MXRA5: variants seen among roughly 807,000 people sequenced by gnomAD.
MXRA5 encodes the protein matrix remodeling associated 5.
A neutral mutation model predicts 112.5 loss-of-function variants in MXRA5; 41 were observed. The observed-to-expected ratio is 0.36, with a 90% CI of 0.28 to 0.47. The LOEUF is 0.47. Ranked by LOEUF, MXRA5 falls within the 20% of genes least tolerant of loss-of-function variation. MXRA5 has a pLI of 0.99. For synonymous variants in MXRA5, 862 were observed against 900.8 expected (o/e 0.96, Z 0.77); for missense variants, 2,150 against 2,251.0 (o/e 0.96, Z 0.91).
Position 3,317,862 on chromosome X carries a change from A to T in MXRA5, c.5819T>A (p.Val1940Glu). ...CTGCACGGTGACCGAAAGCAAGACC[A>T]CCATCCTGTCCAGGCCGTGCAGGTT... ...ASNLHGLDRM[V>E]VLLSVTVQQP... The change falls in exon 6 of 7, where the codon GTG becomes GAG. Residue 1940 changes from valine to glutamate, a missense_variant. By Grantham distance (121) the Val-to-Glu change is moderately radical. Transcript: ENST00000217939. The T allele has an allele frequency of 8.3e-7, 1 of 1,211,623 alleles. No individual in the cohort carries two copies. The highest frequency in any genetic ancestry group is 1.8e-5 in the South Asian group (1 of 56,971).
intron 5 of MXRA5, 37 bp downstream of exon 5, chrX:3,319,971 A>T (rs1193707186): frequency 3.1e-6 from 3 of 977,377 alleles, no homozygotes; most frequent in African/African-American, 4.1e-5. Flanking sequence ...ATAAAAATTG[A>T]CCAAAAAAAA....
intron 2 of MXRA5, among the ~76,000 whole-genome samples, chrX:3,343,074 C>A (rs1922025525): frequency 8.9e-6 from 1 of 112,208 alleles, no homozygotes; most frequent in Non-Finnish European, 1.9e-5. Flanking sequence ...TCCACACAAC[C>A]CTCGTGTGTA....
rs752606061 is a variant in MXRA5 at position 3,317,459 on chromosome X, C to A, written c.6222G>T (p.Ala2074=). 1.3e-5 allele frequency: 15 copies of A among 1,193,813 alleles called. No homozygotes were observed. The Middle Eastern group carries it at 9.2e-4, about 73-fold the overall frequency. ...SIHIHCTAKA[A]PLPSVRWVLG... ...GCACCCAGCGCACGCTGGGCAGGGGCGCAGCCTTGGCAGTGCAGTGAATGT... is the reference window on the plus strand; with the variant it reads ...GCACCCAGCGCACGCTGGGCAGGGGAGCAGCCTTGGCAGTGCAGTGAATGT... Residue 2074 remains alanine (A), a synonymous_variant, in exon 6 of 7, where the codon GCG becomes GCT. Transcript: ENST00000217939.
intron 2 of MXRA5, among the ~76,000 whole-genome samples, chrX:3,341,797 TG>T (rs1326302493): frequency 2.0e-5 from 2 of 100,472 alleles, no homozygotes; most frequent in East Asian, 6.1e-4. Context: ...GCCAAGGTGC[TG>T]GGTTTGAGAG....
chrX:3,345,962 C>A (rs1459668709), intron 1 of MXRA5, among the ~76,000 whole-genome samples: 3 of 112,467 alleles, frequency 2.7e-5, no homozygotes, highest in Non-Finnish European at 5.6e-5. Flanking sequence ...TCACTCTAGG[C>A]GTTGGGCTGT....
At chrX:3,327,387 A>G (rs1921538655) in intron 4 of MXRA5, among the ~76,000 whole-genome samples, 1 of 112,210 alleles carries the variant, frequency 8.9e-6, no homozygotes, top group African/African-American at 3.2e-5. Context: ...AGCATTTCAC[A>G]AAATCCCTTG....
rs746677702 is a variant in MXRA5 at position 3,309,858 on chromosome X, C to T, written c.8345G>A (p.Arg2782His). Residue 2782 changes from arginine (R) to histidine (H), a missense_variant, in exon 7 of 7, where the codon CGT becomes CAT. Around this residue, in one of 6 missense-constraint regions of MXRA5, gnomAD observed 178 missense variants for 198.2 expected, o/e 0.90. Coordinates refer to ENST00000217939, the MANE Select transcript of MXRA5 (RefSeq NM_015419.4). ...GTGAAGAAATCTGTTTCCATACAGA[C>T]GAGCCTGAACCCCTGCCTTCAGATG... Reference protein sequence around the residue: ...KSHLKAGVQARLYGNRFLHPQ... With the variant: ...KSHLKAGVQAHLYGNRFLHPQ... 27 of 1,211,574 alleles carry T rather than the reference C, an allele frequency of 2.2e-5. No homozygotes were observed. The highest frequency in any genetic ancestry group is 2.7e-5 in the Non-Finnish European group (24 of 895,531).
At chrX:3,327,134 G>A (rs1480010333) in intron 4 of MXRA5, among the ~76,000 whole-genome samples, 1 of 111,194 alleles carries the variant, frequency 9.0e-6, no homozygotes, top group African/African-American at 3.3e-5. Context: ...CGTTCCCATT[G>A]GGAAGAAGCC....
At chrX:3,316,658 C>T (rs1409765466) in intron 6 of MXRA5, among the ~76,000 whole-genome samples, 1 of 107,277 alleles carries the variant, frequency 9.3e-6, no homozygotes, top group Non-Finnish European at 1.9e-5. Flanking sequence ...AACAGAGTGA[C>T]ACCCTGTCTC....
At chrX:3,345,881 C>T (rs1922096601) in intron 1 of MXRA5, among the ~76,000 whole-genome samples, 1 of 112,701 alleles carries the variant, frequency 8.9e-6, no homozygotes, top group Non-Finnish European at 1.9e-5. Context: ...GAGTCCCCGC[C>T]GCCCGGGACT....
chrX:3,330,443 G>T, intron 3 of MXRA5, 35 bp from the exon 4 acceptor site: 2 of 1,158,722 alleles, frequency 1.7e-6, no homozygotes, highest in Non-Finnish European at 2.3e-6. Context: ...CAAAACAAAA[G>T]GATCCTGTTT....
chrX:3,330,925 G>A, intron 2 of MXRA5, 152 bp from the exon 3 acceptor site: 2 of 386,301 alleles, frequency 5.2e-6, no homozygotes, highest in Admixed American at 9.8e-5. Context: ...ATTTATTAGA[G>A]ACAATCTTAC....
Position 3,329,454 on chromosome X carries a change from A to C in MXRA5, c.709+564T>G, listed in dbSNP as rs5939181. The stretch of plus-strand genomic sequence containing the variant: ...GAAGGAAGGAAGGAGGGAAGGAAGG[A>C]AGATGAAGGAAGGGGAGAGAAGGAA... On this transcript the variant is annotated intron_variant, in intron 4 of 6. Coordinates refer to ENST00000217939, the MANE Select transcript of MXRA5 (RefSeq NM_015419.4). Among the ~76,000 whole-genome samples the C allele has an allele frequency of 3.0e-3, 284 of 93,618 alleles. 4 individuals carry two copies. Among genetic ancestry groups the C allele is most frequent in the African/African-American group, 7.6e-3 (197 of 25,931 alleles). The allele number at this position is 93,618 out of a possible 115,157, so 81.3% of individuals were successfully genotyped here.
Position 3,320,617 on chromosome X carries a change from G to T in MXRA5, c.5068C>A (p.Arg1690=), listed in dbSNP as rs991160394. 3.3e-6 allele frequency: 4 copies of T among 1,211,362 alleles called. No homozygotes were observed. The Admixed American group carries it at 8.7e-5, about 26-fold the overall frequency. Residue 1690 remains arginine (R), a synonymous_variant, in exon 5 of 7, where the codon CGA becomes AGA. Transcript: ENST00000217939. ...KPSIPSKFTD[R]RTDQFNGYSK... ...TAGCCATTGAATTGGTCAGTTCTTC[G>T]GTCAGTAAACTTACTAGGAATGCTG...
At chrX:3,332,400 G>A (rs776162648) in intron 2 of MXRA5, among the ~76,000 whole-genome samples, 28 of 110,867 alleles carry the variant, frequency 2.5e-4, no homozygotes, top group African/African-American at 7.9e-4. Flanking sequence ...GCCCGCCACC[G>A]CGCCCGGCTA....
Position 3,343,809 on chromosome X carries a change from C to T in MXRA5, c.25G>A (p.Ala9Thr), listed in dbSNP as rs1246964500. The T allele has an allele frequency of 1.7e-6, 2 of 1,204,974 alleles. No individual in the cohort carries two copies. Among genetic ancestry groups the T allele is most frequent in the Non-Finnish European group, 2.2e-6 (2 of 891,267 alleles). The change falls in exon 2 of 7, where the codon GCC becomes ACC. Residue 9 changes from alanine (A) to threonine (T), a missense_variant. By Grantham distance (58) the Ala-to-Thr change is moderately conservative (BLOSUM62 0). Around this residue, in one of 6 missense-constraint regions of MXRA5, gnomAD observed 386 missense variants for 411.0 expected, o/e 0.94. Transcript: ENST00000217939. Reference protein sequence around the residue: MPKRAHWGALSVVLILLWG... With the variant: MPKRAHWGTLSVVLILLWG... ...AGCAGGATCAGCACCACGGAGAGGG[C>T]CCCCCAGTGCGCGCGCTTGGGCATC... is the stretch of plus-strand genomic sequence containing the variant.
chrX:3,317,405 C>A lies in MXRA5; in HGVS notation c.6276G>T (p.Ser2092=), dbSNP rs1452456624. Residue 2092 remains serine, a synonymous_variant, in exon 6 of 7, where the codon TCG becomes TCT. Transcript: ENST00000217939. ...VLGDGTQIRP[S]QFLHGNLFVF... is the part of the protein sequence containing the mutation. ...CAAACAAGTTCCCGTGGAGGAACTG[C>A]GAGGGGCGGATCTGGGTACCGTCCC... is the stretch of plus-strand genomic sequence containing the variant. The A allele has an allele frequency of 3.3e-6, 4 of 1,205,483 alleles. No homozygotes were observed. Among genetic ancestry groups the A allele is most frequent in the Non-Finnish European group, 3.4e-6 (3 of 892,818 alleles).
intron 6 of MXRA5, among the ~76,000 whole-genome samples, chrX:3,314,507 A>C (rs1201043667): frequency 8.9e-6 from 1 of 111,867 alleles, no homozygotes; most frequent in Non-Finnish European, 1.9e-5. Flanking sequence ...CGGATGGATA[A>C]ATGGATGGAT....
In MXRA5 at chrX:3,309,770, C is replaced by G; in HGVS notation, c.8433G>C (p.Met2811Ile). 1 of 1,210,954 alleles carries G rather than the reference C, an allele frequency of 8.3e-7. No individual in the cohort carries two copies. Among genetic ancestry groups the G allele is most frequent in the Non-Finnish European group, 1.1e-6 (1 of 895,317 alleles). The change falls in exon 7 of 7, where the codon ATG becomes ATC. Residue 2811 changes from methionine to isoleucine, a missense_variant. Physicochemically the swap from Met to Ile is conservative, Grantham distance 10. Around this residue, in one of 6 missense-constraint regions of MXRA5, gnomAD observed 178 missense variants for 198.2 expected, o/e 0.90. Coordinates refer to ENST00000217939, the MANE Select transcript of MXRA5 (RefSeq NM_015419.4). ...TQRDAGFYKC[M>I]AKNILGSDSK... ...AGTCACTGCCGAGAATGTTTTTTGC[C>G]ATGCACTTGTAGAAGCCGGCATCTC...
Sources: allele counts gnomAD v4.1 joint callset (sites outside exome capture counted in the v4.1 genomes callset), GRCh38; gene constraint gnomAD v4.1.1; regional missense constraint gnomAD v4.1.1; transcripts MANE v1.5; gene names NCBI Gene and HGNC (gene_info 2026-07-23, HGNC 2026-07-21).